The following WDR33 variants were observed in gnomAD, a reference collection of about 807,000 sequenced individuals.
The protein encoded by WDR33 is pre-mRNA 3' end processing protein WDR33.
WDR33 carries 47 observed loss-of-function variants against 164.9 expected under a neutral mutation model. The ratio of observed to expected loss-of-function variants is 0.29; its 90% CI spans 0.23 to 0.36. The LOEUF (loss-of-function observed/expected upper bound fraction) is 0.36, where lower values mean the gene tolerates loss of function less well. Among genes scored for constraint, WDR33 ranks in the 10% least tolerant of loss-of-function variants. WDR33 has a pLI of 1.00. For missense variants in WDR33, 1,137 were observed against 1,754.1 expected (o/e 0.65, Z 6.28); for synonymous variants, 505 against 589.0 (o/e 0.86, Z 2.06).
chr2:127,781,998 C>CA (rs1688387815), intron 1 of WDR33, among the ~76,000 whole-genome samples: 1 of 68,258 alleles, frequency 1.5e-5, no homozygotes, highest in Non-Finnish European at 2.7e-5. Flanking sequence ...AACTCTTTTT[C>CA]TAAAAAAAAA....
In WDR33 at chr2:127,770,143, C is replaced by A. The variant is rs1365517822; in HGVS notation, c.204+635G>T. 1.3e-5 allele frequency among the ~76,000 whole-genome samples: 2 copies of A among 152,182 alleles called. No homozygotes were observed. Among genetic ancestry groups the A allele is most frequent in the Non-Finnish European group, 2.9e-5 (2 of 68,030 alleles). ...GATTTCATATACACTGCAGGTTTAA[C>A]AAGTGTTTTAAGACTGGCCTAGCGA... On this transcript the variant is annotated intron_variant, in intron 2 of 21. Transcript: ENST00000322313. The surrounding 1 kb of genome is among the most constrained non-coding windows in gnomAD (Gnocchi z 4.9).
At chr2:127,805,117 G>A (rs1017463374) in intron 1 of WDR33, among the ~76,000 whole-genome samples, 6 of 113,862 alleles carry the variant, frequency 5.3e-5, no homozygotes, top group Admixed American at 1.3e-4. Flanking sequence ...TTCTCTTGTC[G>A]CCTAGGCTGG....
In WDR33 at chr2:127,709,667, C is replaced by A. The variant is rs1384812968; in HGVS notation, c.3472+26G>T. On this transcript the variant is annotated intron_variant, in intron 19 of 21. Transcript: ENST00000322313. The surrounding 1 kb of genome is among the most constrained non-coding windows in gnomAD (Gnocchi z 5.0). ...GTATTCTGCACCCTATCCTTCCAGACCAGGTGTCTTTAGTAACTCGCTCAC... is the reference window on the plus strand; with the variant it reads ...GTATTCTGCACCCTATCCTTCCAGAACAGGTGTCTTTAGTAACTCGCTCAC... 6.2e-7 allele frequency: 1 copy of A among 1,614,156 alleles called. No homozygotes were observed. Among genetic ancestry groups the A allele is most frequent in the South Asian group, 1.1e-5 (1 of 91,080 alleles).
In WDR33 at chr2:127,710,811, A is replaced by G. The variant is rs1235350968; in HGVS notation, c.3309-955T>C. Among the ~76,000 whole-genome samples the G allele has an allele frequency of 6.6e-6, 1 of 152,120 alleles. No homozygotes were observed. Among genetic ancestry groups the G allele is most frequent in the African/African-American group, 2.4e-5 (1 of 41,420 alleles). On this transcript the variant is annotated intron_variant, in intron 18 of 21. Coordinates refer to ENST00000322313, the MANE Select transcript of WDR33 (RefSeq NM_018383.5). The surrounding 1 kb of genome is among the most constrained non-coding windows in gnomAD (Gnocchi z 4.4). ...CTCAGGTTTCCATTCCATTGCCTTTATCCTAATCTTCTACTTGGAAGATTT... is the reference window on the plus strand; with the variant it reads ...CTCAGGTTTCCATTCCATTGCCTTTGTCCTAATCTTCTACTTGGAAGATTT...
At chr2:127,774,069 T>C (rs962830156) in intron 1 of WDR33, among the ~76,000 whole-genome samples, 1 of 141,758 alleles carries the variant, frequency 7.1e-6, no homozygotes, top group Admixed American at 7.1e-5. Context: ...TTTTTTTTTT[T>C]AAGACAGAGT....
intron 7 of WDR33, among the ~76,000 whole-genome samples, chr2:127,739,055 G>A (rs1686941684): frequency 6.6e-6 from 1 of 152,076 alleles, no homozygotes; most frequent in African/African-American, 2.4e-5. Context: ...GAAAACCAAG[G>A]AATACTTAGT....
intron 1 of WDR33, among the ~76,000 whole-genome samples, 180 bp from the exon 2 acceptor site, chr2:127,771,184 T>A (rs546686391): frequency 6.6e-6 from 1 of 152,188 alleles, no homozygotes; most frequent in Admixed American, 6.5e-5. Context: ...CAGAGATGCA[T>A]CCTTAGGCAA....
rs1346969244 is a variant in WDR33, at chr2:127,724,347, T to C, written c.1182A>G (p.Ser394=). Residue 394 remains serine (S), a synonymous_variant, in exon 11 of 22, where the codon TCA becomes TCG. Transcript: ENST00000322313. The surrounding 1 kb of genome is among the most constrained non-coding windows in gnomAD (Gnocchi z 4.8). ...HPLGHILCSG[S]NDHTSKFWTR... is the part of the protein sequence containing the mutation. Reference sequence around the variant, plus strand: ...ATAAAGCTTACCTAGTATGGTCATTTGAGCCTGAGCAGAGAATATGCCCAA... The same window carrying C: ...ATAAAGCTTACCTAGTATGGTCATTCGAGCCTGAGCAGAGAATATGCCCAA... The C allele has an allele frequency of 1.2e-6, 2 of 1,614,130 alleles. No homozygotes were observed. The highest frequency in any genetic ancestry group is 8.5e-7 in the Non-Finnish European group (1 of 1,179,970).
intron 1 of WDR33, among the ~76,000 whole-genome samples, chr2:127,798,715 A>C (rs1203856185): frequency 6.6e-6 from 1 of 152,130 alleles, no homozygotes; most frequent in African/African-American, 2.4e-5. Flanking sequence ...ATTTCAAAAA[A>C]AACAGTGTTA....
intron 1 of WDR33, among the ~76,000 whole-genome samples, chr2:127,782,986 G>C (rs1004267687): frequency 1.9e-4 from 29 of 152,142 alleles, no homozygotes; most frequent in African/African-American, 6.8e-4. Flanking sequence ...ACCAGCCTGG[G>C]CAACAGAGTG....
chr2:127,787,913 C>T (rs1474886811), intron 1 of WDR33, among the ~76,000 whole-genome samples: 26 of 59,538 alleles, frequency 4.4e-4, no homozygotes, highest in Non-Finnish European at 5.8e-4. Flanking sequence ...ACCTCCCTCC[C>T]GGACGGGGCG....
intron 7 of WDR33, among the ~76,000 whole-genome samples, chr2:127,750,412 T>G (rs1180362934): frequency 6.6e-6 from 1 of 151,450 alleles, no homozygotes; most frequent in Non-Finnish European, 1.5e-5. Context: ...TTTGGGAGAC[T>G]GAGGCAGATG....
chr2:127,747,044 A>G (rs1382425071), intron 7 of WDR33, among the ~76,000 whole-genome samples: 1 of 152,232 alleles, frequency 6.6e-6, no homozygotes, highest in African/African-American at 2.4e-5. Context: ...GGAGATCACC[A>G]AAGTGAGTTT....
intron 1 of WDR33, among the ~76,000 whole-genome samples, chr2:127,771,525 C>G (rs952954879): frequency 6.6e-6 from 1 of 152,164 alleles, no homozygotes; most frequent in East Asian, 1.9e-4. Context: ...AGTTACACAT[C>G]TGAAAAAGAC....
intron 4 of WDR33, among the ~76,000 whole-genome samples, chr2:127,766,072 C>T (rs1687812217): frequency 6.6e-6 from 1 of 152,122 alleles, no homozygotes; most frequent in South Asian, 2.1e-4. Context: ...AATATTTTTA[C>T]ATCAGTATTT....
intron 7 of WDR33, among the ~76,000 whole-genome samples, chr2:127,733,737 T>C (rs1418381871): frequency 2.0e-5 from 3 of 152,220 alleles, no homozygotes; most frequent in East Asian, 1.9e-4. Context: ...AAAAACCCTA[T>C]TGGACAATAA....
At chr2:127,751,362 A>AAATAATAATAAT (rs61554819) in intron 7 of WDR33, among the ~76,000 whole-genome samples, 1 of 136,858 alleles carries the variant, frequency 7.3e-6, no homozygotes, top group Admixed American at 7.4e-5. Context: ...CCTTATCTCA[A>AAATAATAATAAT]AATAATAATA....
intron 1 of WDR33, among the ~76,000 whole-genome samples, chr2:127,790,993 C>T (rs904847425): frequency 3.3e-5 from 5 of 151,722 alleles, no homozygotes; most frequent in African/African-American, 9.7e-5. Flanking sequence ...TTCACTTGGG[C>T]CCCCTCCTTA....
intron 4 of WDR33, among the ~76,000 whole-genome samples, chr2:127,767,714 AAAAAAAAT>A (rs1687865727): frequency 6.6e-6 from 1 of 151,948 alleles, no homozygotes; most frequent in South Asian, 2.1e-4. Flanking sequence ...GACTCTGTCT[AAAAAAAAT>A]AAAAAAATAA....
Sources: allele counts gnomAD v4.1 joint callset (sites outside exome capture counted in the v4.1 genomes callset), GRCh38; gene constraint gnomAD v4.1.1; non-coding constraint Gnocchi (gnomAD v3.1); transcripts MANE v1.5; gene names NCBI Gene and HGNC (gene_info 2026-07-23, HGNC 2026-07-21).